Variants in EXT1 observed in about 807,000 individuals in gnomAD.
EXT1 encodes exostosin glycosyltransferase 1.
EXT1 carries 20 observed loss-of-function variants against 82.5 expected under a neutral mutation model. The observed-to-expected ratio is 0.24, with a 90% confidence interval of 0.17 to 0.35. The LOEUF (loss-of-function observed/expected upper bound fraction) is 0.35. Among genes scored for constraint, EXT1 ranks in the 10% least tolerant of loss-of-function variants. The pLI is 1.00. For missense variants in EXT1, 757 were observed against 936.5 expected, an observed-to-expected ratio of 0.81 and a Z score of 2.50; for synonymous variants, 348 against 350.8, an observed-to-expected ratio of 0.99 and a Z score of 0.09.
intron 1 of EXT1, among the ~76,000 whole-genome samples, chr8:118,057,776 C>T (rs1246376987): frequency 6.6e-6 from 1 of 151,730 alleles, no homozygotes; most frequent in Non-Finnish European, 1.5e-5. Flanking sequence ...AAGATCGAGA[C>T]CATCATGGCC....
chr8:117,820,028 C>T (rs1811897167), intron 5 of EXT1, among the ~76,000 whole-genome samples: 1 of 152,190 alleles, frequency 6.6e-6, no homozygotes, highest in Admixed American at 6.5e-5. Flanking sequence ...TAGGTTCTTG[C>T]TTTGACATCC....
chr8:118,085,931 T>C (rs1226114327), intron 1 of EXT1, among the ~76,000 whole-genome samples: 1 of 152,124 alleles, frequency 6.6e-6, no homozygotes, highest in Admixed American at 6.5e-5. Flanking sequence ...GACTTGTAAA[T>C]AAGGAAAGCT....
intron 1 of EXT1, among the ~76,000 whole-genome samples, chr8:118,025,288 A>G (rs1816182558): frequency 6.6e-6 from 1 of 152,202 alleles, no homozygotes; most frequent in South Asian, 2.1e-4. Context: ...CACCATGAGG[A>G]GGAGAACTCC....
intron 1 of EXT1, among the ~76,000 whole-genome samples, chr8:117,973,562 A>T (rs1814987509): frequency 6.6e-6 from 1 of 152,074 alleles, no homozygotes; most frequent in South Asian, 2.1e-4. Context: ...TGAGCCTAGG[A>T]GTTCAAGATC....
chr8:117,863,375 ACT>A (rs1466754971), intron 1 of EXT1, among the ~76,000 whole-genome samples: 1 of 144,284 alleles, frequency 6.9e-6, no homozygotes, highest in Admixed American at 6.9e-5. Flanking sequence ...TTTCAAGGTG[ACT>A]CTGTATATTT....
At chr8:117,834,584 G>A (rs932927678) in intron 3 of EXT1, among the ~76,000 whole-genome samples, 4 of 148,938 alleles carry the variant, frequency 2.7e-5, no homozygotes, top group Non-Finnish European at 5.9e-5. Flanking sequence ...CAGCCTGGGC[G>A]ACAGAGTGAG....
chr8:117,827,816 T>C (rs903928383), intron 4 of EXT1, among the ~76,000 whole-genome samples: 1 of 98,936 alleles, frequency 1.0e-5, no homozygotes. Flanking sequence ...AAAAAAAAAA[T>C]CTTAACATTT....
At chr8:117,991,111 C>G (rs1313122892) in intron 1 of EXT1, among the ~76,000 whole-genome samples, 1 of 143,800 alleles carries the variant, frequency 7.0e-6, no homozygotes, top group Non-Finnish European at 1.5e-5. Flanking sequence ...ACTTCGATGT[C>G]TTTTTTTTTT....
At chr8:117,887,861 G>C (rs1422378960) in intron 1 of EXT1, among the ~76,000 whole-genome samples, 3 of 151,758 alleles carry the variant, frequency 2.0e-5, no homozygotes, top group South Asian at 2.1e-4. Flanking sequence ...TGAGGCGGGC[G>C]TATCACCTGA....
chr8:117,902,274 T>C (rs930582885), intron 1 of EXT1, among the ~76,000 whole-genome samples: 7 of 152,090 alleles, frequency 4.6e-5, no homozygotes, highest in African/African-American at 2.4e-5. Flanking sequence ...ATAAGTAGAA[T>C]GAGTGCACTC....
At chr8:117,868,777 G>C (rs1314292227) in intron 1 of EXT1, among the ~76,000 whole-genome samples, 1 of 152,126 alleles carries the variant, frequency 6.6e-6, no homozygotes, top group Non-Finnish European at 1.5e-5. Context: ...GTAGGTAGAG[G>C]CTATATATAT....
chr8:117,900,795 G>C (rs891805695), intron 1 of EXT1, among the ~76,000 whole-genome samples: 2 of 152,140 alleles, frequency 1.3e-5, no homozygotes, highest in Non-Finnish European at 2.9e-5. Flanking sequence ...CTGGGACTAA[G>C]GGTAAAAAAA....
chr8:118,088,522 G>C (rs947618294), intron 1 of EXT1, among the ~76,000 whole-genome samples: 41 of 151,106 alleles, frequency 2.7e-4, no homozygotes, highest in Non-Finnish European at 4.9e-4. Context: ...GGGGAAGAAA[G>C]GGGGGAGACC....
At chr8:118,025,587 C>G (rs1816188233) in intron 1 of EXT1, among the ~76,000 whole-genome samples, 1 of 151,980 alleles carries the variant, frequency 6.6e-6, no homozygotes, top group African/African-American at 2.4e-5. Context: ...AAGAAAAGCC[C>G]CAGTAAATGC....
At chr8:118,078,379 A>G (rs751381836) in intron 1 of EXT1, among the ~76,000 whole-genome samples, 9 of 152,002 alleles carry the variant, frequency 5.9e-5, no homozygotes, top group Non-Finnish European at 1.3e-4. Flanking sequence ...TTGTATTTTT[A>G]GTAGAAACGG....
At chr8:117,835,572 C>G (rs758393463) in intron 2 of EXT1, 21 bp from the exon 3 acceptor site, 1 of 1,570,870 alleles carries the variant, frequency 6.4e-7, no homozygotes, top group Non-Finnish European at 8.8e-7. Flanking sequence ...AAGGGGACTT[C>G]GTGAATGTGA....
intron 1 of EXT1, among the ~76,000 whole-genome samples, chr8:117,914,586 C>T (rs1813711552): frequency 1.3e-5 from 2 of 152,112 alleles, no homozygotes; most frequent in Admixed American, 1.3e-4. Flanking sequence ...AATATTAATG[C>T]CCTGGGAAAG....
At chr8:117,871,715 T>C (rs1812875956) in intron 1 of EXT1, among the ~76,000 whole-genome samples, 1 of 152,152 alleles carries the variant, frequency 6.6e-6, no homozygotes, top group African/African-American at 2.4e-5. Context: ...TACTGCTAAA[T>C]GCACTGGTGA....
At chr8:117,945,646 C>T (rs959384469) in intron 1 of EXT1, among the ~76,000 whole-genome samples, 2 of 151,898 alleles carry the variant, frequency 1.3e-5, no homozygotes, top group Admixed American at 6.6e-5. Flanking sequence ...AGATTATAGG[C>T]GCCCACCACC....
Sources: allele counts gnomAD v4.1 joint callset (sites outside exome capture counted in the v4.1 genomes callset), GRCh38; gene constraint gnomAD v4.1.1; transcripts MANE v1.5; gene names NCBI Gene and HGNC (gene_info 2026-07-23, HGNC 2026-07-21).